Variants in KCNH7 observed in about 807,000 individuals in gnomAD.
KCNH7 encodes potassium voltage-gated channel subfamily H member 7, also known as voltage-gated inwardly rectifying potassium channel KCNH7.
A neutral mutation model predicts 120.8 loss-of-function variants in KCNH7; 49 were observed. That is an observed-to-expected ratio of 0.41 (90% CI 0.32 to 0.51). The LOEUF (loss-of-function observed/expected upper bound fraction) is 0.51. Ranked by LOEUF, KCNH7 falls within the 20% of genes least tolerant of loss-of-function variation. The probability of loss-of-function intolerance (pLI) is 0.38; values close to 1 mark genes in which losing one functional copy is unlikely to be tolerated. For missense variants in KCNH7, 1,097 were observed against 1,446.6 expected (o/e 0.76, Z 3.92); for synonymous variants, 547 against 516.1 (o/e 1.06, Z -0.81).
chr2:162,602,716 A>G (rs1364895591), intron 2 of KCNH7, among the ~76,000 whole-genome samples: 1 of 152,090 alleles, frequency 6.6e-6, no homozygotes, highest in Non-Finnish European at 1.5e-5. Flanking sequence ...TATAACTCCT[A>G]TGATCATTTC....
intron 6 of KCNH7, among the ~76,000 whole-genome samples, chr2:162,502,881 G>A (rs540753192): frequency 2.2e-4 from 33 of 152,142 alleles, no homozygotes; most frequent in Middle Eastern, 3.4e-3. Context: ...CCACATGGCT[G>A]CACACAGGCC....
At chr2:162,797,292 A>G (rs1454918411) in intron 2 of KCNH7, 2 of 152,058 alleles carry the variant, frequency 1.3e-5, no homozygotes, top group Non-Finnish European at 2.9e-5. Flanking sequence ...TGCATTGGTA[A>G]TTCTTGCTGA....
intron 2 of KCNH7, among the ~76,000 whole-genome samples, chr2:162,557,399 C>T (rs1193007621): frequency 6.6e-6 from 1 of 152,182 alleles, no homozygotes; most frequent in Non-Finnish European, 1.5e-5. Flanking sequence ...AGCTTACAAC[C>T]AGCACAGCAT....
intron 2 of KCNH7, among the ~76,000 whole-genome samples, chr2:162,701,046 AG>A (rs1686478161): frequency 6.6e-6 from 1 of 152,208 alleles, no homozygotes; most frequent in South Asian, 2.1e-4. Flanking sequence ...GCTGTTTATA[AG>A]GAAGGACAAT....
chr2:162,508,173 C>A (rs1175726055), intron 5 of KCNH7, among the ~76,000 whole-genome samples: 1 of 151,376 alleles, frequency 6.6e-6, no homozygotes, highest in East Asian at 2.0e-4. Context: ...AAATATGAGA[C>A]AAGGAGACAT....
At chr2:162,601,375 A>C (rs541204569) in intron 2 of KCNH7, among the ~76,000 whole-genome samples, 1 of 140,162 alleles carries the variant, frequency 7.1e-6, no homozygotes, top group South Asian at 2.3e-4. Flanking sequence ...TGACTTCCCA[A>C]ATTTTAAAAA....
At chr2:162,557,044 T>C (rs1199911784) in intron 2 of KCNH7, among the ~76,000 whole-genome samples, 1 of 152,224 alleles carries the variant, frequency 6.6e-6, no homozygotes, top group East Asian at 1.9e-4. Context: ...AGCAACAATT[T>C]GTGATTATCT....
intron 2 of KCNH7, among the ~76,000 whole-genome samples, chr2:162,563,828 A>C (rs1015537636): frequency 6.6e-6 from 1 of 152,144 alleles, no homozygotes; most frequent in African/African-American, 2.4e-5. Context: ...AAAGAACATT[A>C]ATTTCTAGTT....
chr2:162,413,941 C>CA (rs1436960771), intron 9 of KCNH7, among the ~76,000 whole-genome samples: 5 of 151,238 alleles, frequency 3.3e-5, no homozygotes, highest in African/African-American at 1.2e-4. Context: ...GGAAAATATG[C>CA]AAAAAATGCT....
chr2:162,742,109 C>G (rs938889565), intron 2 of KCNH7, among the ~76,000 whole-genome samples: 1 of 152,124 alleles, frequency 6.6e-6, no homozygotes, highest in Non-Finnish European at 1.5e-5. Context: ...GACCACATCT[C>G]TAGATATTTG....
chr2:162,545,770 T>C (rs997487933), intron 2 of KCNH7, among the ~76,000 whole-genome samples: 11 of 152,184 alleles, frequency 7.2e-5, no homozygotes, highest in Admixed American at 2.0e-4. Flanking sequence ...TTCAATACTC[T>C]ATTAATATTC....
At chr2:162,735,861 G>T (rs553533155) in intron 2 of KCNH7, among the ~76,000 whole-genome samples, 1 of 152,120 alleles carries the variant, frequency 6.6e-6, no homozygotes, top group Non-Finnish European at 1.5e-5. Flanking sequence ...AGAACAGCCC[G>T]TCAAGCTGTG....
chr2:162,818,010 A>G (rs972372439), intron 2 of KCNH7, among the ~76,000 whole-genome samples: 10 of 152,032 alleles, frequency 6.6e-5, no homozygotes, highest in African/African-American at 2.4e-4. Context: ...ATTATCTGTC[A>G]GTCTGTATCA....
chr2:162,380,054 C>T, intron 13 of KCNH7, 33 bp from the exon 14 acceptor site: 1 of 1,608,582 alleles, frequency 6.2e-7, no homozygotes, highest in South Asian at 1.1e-5. Flanking sequence ...TGTCAACACT[C>T]TTAGGTGCCC....
intron 10 of KCNH7, among the ~76,000 whole-genome samples, chr2:162,398,297 AGTCAAAAATGCT>A (rs1686972024): frequency 6.6e-6 from 1 of 151,870 alleles, no homozygotes; most frequent in African/African-American, 2.4e-5. Context: ...GGTTCTAATT[AGTCAAAAATGCT>A]ATAATATTCT....
chr2:162,723,782 C>T (rs898556195), intron 2 of KCNH7, among the ~76,000 whole-genome samples: 1 of 152,110 alleles, frequency 6.6e-6, no homozygotes, highest in African/African-American at 2.4e-5. Context: ...TTGTTACCCA[C>T]AGGTGGTGAG....
chr2:162,762,922 T>C (rs1689016254), intron 2 of KCNH7, among the ~76,000 whole-genome samples: 1 of 152,082 alleles, frequency 6.6e-6, no homozygotes, highest in African/African-American at 2.4e-5. Flanking sequence ...GGAACAATTA[T>C]TTAAGCAGTT....
At chr2:162,671,748 GA>G (rs1346690271) in intron 2 of KCNH7, among the ~76,000 whole-genome samples, 1 of 151,704 alleles carries the variant, frequency 6.6e-6, no homozygotes, top group Admixed American at 6.6e-5. Flanking sequence ...AGAAAAAAAA[GA>G]AATAAATATG....
At chr2:162,820,371 C>G (rs1444154060) in intron 2 of KCNH7, among the ~76,000 whole-genome samples, 1 of 151,964 alleles carries the variant, frequency 6.6e-6, no homozygotes, top group African/African-American at 2.4e-5. Flanking sequence ...CCACCACGCA[C>G]AGCCTATTCC....
Sources: allele counts gnomAD v4.1 joint callset (sites outside exome capture counted in the v4.1 genomes callset), GRCh38; gene constraint gnomAD v4.1.1; transcripts MANE v1.5; gene names NCBI Gene and HGNC (gene_info 2026-07-23, HGNC 2026-07-21).